Variants in NID1 observed in about 807,000 individuals in gnomAD.
NID1 encodes the protein nidogen-1.
In NID1, 76 loss-of-function variants were observed where a neutral mutation model predicts 130.6. That is an observed-to-expected ratio of 0.58 (90% CI 0.48 to 0.70). The LOEUF (loss-of-function observed/expected upper bound fraction) is 0.70. Ranked by LOEUF, NID1 falls within the 30% of genes least tolerant of loss-of-function variation. The pLI is 0.00. For missense variants in NID1, 1,517 were observed against 1,664.8 expected (o/e 0.91, Z 1.54); for synonymous variants, 665 against 675.1 (o/e 0.98, Z 0.23).
At chr1:236,000,608 A>G (rs1257875563) in intron 12 of NID1, among the ~76,000 whole-genome samples, 1 of 152,172 alleles carries the variant, frequency 6.6e-6, no homozygotes, top group African/African-American at 2.4e-5. Flanking sequence ...GGCATACGAC[A>G]TCAGGACCTC....
At chr1:236,062,787 T>C (rs950967717) in intron 1 of NID1, among the ~76,000 whole-genome samples, 1 of 152,206 alleles carries the variant, frequency 6.6e-6, no homozygotes, top group African/African-American at 2.4e-5. Context: ...ATATTGCTCA[T>C]GATCTTCAAA....
chr1:236,025,764 T>C, intron 8 of NID1, 132 bp downstream of exon 8: 1 of 1,285,226 alleles, frequency 7.8e-7, no homozygotes, highest in Non-Finnish European at 1.1e-6. Context: ...GACATTCTTT[T>C]TTTCCTGCCA....
chr1:236,058,145 T>C (rs1659945269), intron 1 of NID1, among the ~76,000 whole-genome samples: 1 of 152,214 alleles, frequency 6.6e-6, no homozygotes, highest in East Asian at 1.9e-4. Flanking sequence ...TGAGGTTCTT[T>C]GTGAATTTGC....
intron 11 of NID1, among the ~76,000 whole-genome samples, chr1:236,012,578 A>AAAAAG (rs1553343926): frequency 0.025 from 2,521 of 99,260 alleles, 134 homozygotes; most frequent in African/African-American, 0.083. Flanking sequence ...AAAAAAAAAA[A>AAAAAG]AAAGAAAGAA....
intron 3 of NID1, among the ~76,000 whole-genome samples, chr1:236,043,836 T>A (rs1210154010): frequency 2.6e-5 from 4 of 152,094 alleles, no homozygotes; most frequent in Non-Finnish European, 4.4e-5. Flanking sequence ...AAATCCCAAC[T>A]CCATTGGCTG....
intron 12 of NID1, among the ~76,000 whole-genome samples, chr1:236,008,120 C>T (rs1572592365): frequency 6.6e-6 from 1 of 152,324 alleles, no homozygotes; most frequent in Non-Finnish European, 1.5e-5. Context: ...ACTCCTACTA[C>T]ATATATTCTC....
At chr1:235,998,106 C>T (rs1357467671) in intron 12 of NID1, among the ~76,000 whole-genome samples, 1 of 152,166 alleles carries the variant, frequency 6.6e-6, no homozygotes, top group African/African-American at 2.4e-5. Context: ...ACTGGATCCT[C>T]GCAAAGCAGA....
At chr1:235,984,964 C>T (rs1045004048) in intron 15 of NID1, among the ~76,000 whole-genome samples, 4 of 151,916 alleles carry the variant, frequency 2.6e-5, no homozygotes, top group South Asian at 2.1e-4. Flanking sequence ...CCGAGGTGGG[C>T]GGATCACGAG....
intron 12 of NID1, among the ~76,000 whole-genome samples, chr1:235,997,496 A>C (rs1437861914): frequency 1.3e-5 from 2 of 152,140 alleles, no homozygotes; most frequent in African/African-American, 4.8e-5. Flanking sequence ...TATATACTAA[A>C]ATGTTAATTA....
chr1:235,986,500 C>T (rs953266089), intron 14 of NID1, among the ~76,000 whole-genome samples: 4 of 150,224 alleles, frequency 2.7e-5, no homozygotes, highest in African/African-American at 9.8e-5. Flanking sequence ...ACAATGAATA[C>T]TATAAAACAT....
At chr1:236,064,664 GA>G in intron 1 of NID1, 190 bp downstream of exon 1, 1 of 635,490 alleles carries the variant, frequency 1.6e-6, no homozygotes, top group Non-Finnish European at 2.8e-6. Context: ...CCGCTCTTCG[GA>G]TAGCAGGGAC....
chr1:236,003,285 G>A (rs1015302544), intron 12 of NID1, among the ~76,000 whole-genome samples: 2 of 152,222 alleles, frequency 1.3e-5, no homozygotes, highest in South Asian at 2.1e-4. Flanking sequence ...CCTCCAGGGT[G>A]GAGACGTTTT....
At chr1:236,062,340 A>G (rs749104526) in intron 1 of NID1, among the ~76,000 whole-genome samples, 4 of 152,220 alleles carry the variant, frequency 2.6e-5, no homozygotes, top group Non-Finnish European at 5.9e-5. Flanking sequence ...CCATCTACTT[A>G]GAAATCTCTA....
intron 12 of NID1, among the ~76,000 whole-genome samples, chr1:236,002,402 T>C (rs1330764551): frequency 2.9e-4 from 44 of 151,832 alleles, no homozygotes; most frequent in Admixed American, 2.9e-3. Flanking sequence ...ACTCGGGAGA[T>C]TGAGGCAGGA....
chr1:236,062,408 G>A (rs1360209512), intron 1 of NID1, among the ~76,000 whole-genome samples: 2 of 152,176 alleles, frequency 1.3e-5, no homozygotes, highest in Non-Finnish European at 2.9e-5. Context: ...GCCAAGGCGG[G>A]CGGATCACCT....
chr1:235,995,452 C>T (rs765014297), intron 12 of NID1, among the ~76,000 whole-genome samples: 3 of 152,142 alleles, frequency 2.0e-5, no homozygotes, highest in South Asian at 2.1e-4. Context: ...ACTTCCAAGC[C>T]GTAGTGGATT....
rs60865574 is a variant in NID1, at chr1:236,057,097, A to G, written c.225+7758T>C. Among the ~76,000 whole-genome samples, 1,457 of 152,134 alleles carry G rather than the reference A, an allele frequency of 9.6e-3. 13 individuals are homozygous for G. The highest frequency in any genetic ancestry group is 0.033 in the African/African-American group (1,390 of 41,504). On this transcript the variant is annotated intron_variant, in intron 1 of 19. Coordinates refer to ENST00000264187, the MANE Select transcript of NID1 (RefSeq NM_002508.3). The stretch of plus-strand genomic sequence containing the variant: ...AATATGGTGAAATCCCGTCTCTACT[A>G]AAAATACAAAAATTAGCCAGGCGTG...
chr1:236,036,628 T>C (rs1659270984), intron 5 of NID1, among the ~76,000 whole-genome samples: 1 of 152,212 alleles, frequency 6.6e-6, no homozygotes, highest in South Asian at 2.1e-4. Context: ...TGTGATAGCA[T>C]TTAGAAATGG....
intron 1 of NID1, among the ~76,000 whole-genome samples, chr1:236,053,261 TG>T (rs1659812255): frequency 6.6e-6 from 1 of 152,232 alleles, no homozygotes; most frequent in African/African-American, 2.4e-5. Context: ...ATGGGAAGTT[TG>T]GTGATGTGTT....
Sources: gnomAD v4.1 joint callset for allele counts (sites outside exome capture counted in the v4.1 genomes callset) on GRCh38, gnomAD v4.1.1 for gene constraint, MANE v1.5 for transcripts, NCBI Gene and HGNC (gene_info 2026-07-23, HGNC 2026-07-21) for gene names.